Variants in MCF2L2 observed in about 807,000 individuals in gnomAD.
MCF2L2 encodes the protein MCF.2 cell line derived transforming sequence-like 2.
In MCF2L2, 102 loss-of-function variants were observed where a neutral mutation model predicts 150.2. The ratio of observed to expected loss-of-function variants is 0.68; its 90% CI spans 0.58 to 0.80. The LOEUF is 0.80. Ranked by LOEUF, MCF2L2 falls within the 30% of genes least tolerant of loss-of-function variation. The probability of loss-of-function intolerance (pLI) is 0.00; values close to 1 mark genes in which losing one functional copy is unlikely to be tolerated. For synonymous variants in MCF2L2, 465 were observed against 491.3 expected (o/e 0.95, Z 0.71); for missense variants, 1,256 against 1,372.8 (o/e 0.91, Z 1.34).
At position 183,405,947 on chromosome 3, in the gene MCF2L2, T is replaced by C. The variant is rs922394000; in HGVS notation, c.77-16168A>G. ...GCCAGGCTGTCTCGAACTCCTGACC[T>C]TAAGTGATCTGCCTGCCTCAGCCTC... On this transcript the variant is annotated intron_variant, in intron 1 of 29. Transcript: ENST00000328913. Among the ~76,000 whole-genome samples, 17 of 152,300 alleles carry C rather than the reference T, an allele frequency of 1.1e-4. 1 individual carries two copies. The South Asian group carries it at 2.5e-3, about 22-fold the overall frequency.
chr3:183,272,604 TCAAA>T, intron 15 of MCF2L2: 1 of 998,026 alleles, frequency 1.0e-6, no homozygotes, highest in Non-Finnish European at 1.2e-6. Flanking sequence ...AACTACAGTG[TCAAA>T]CATTCTAGGT....
At chr3:183,341,748 C>T (rs1173740953) in intron 3 of MCF2L2, 118 bp from the exon 4 acceptor site, 3 of 682,464 alleles carry the variant, frequency 4.4e-6, no homozygotes, top group Non-Finnish European at 7.8e-6. Flanking sequence ...GTGTAAACAC[C>T]CTGCACAGCA....
chr3:183,295,598 C>G (rs1258284943), intron 12 of MCF2L2, 121 bp from the exon 13 acceptor site: 10 of 908,986 alleles, frequency 1.1e-5, no homozygotes, highest in African/African-American at 1.8e-5. Context: ...TCAGGTGACC[C>G]CCTCTGGGCA....
chr3:183,392,314 C>T (rs368523047), intron 1 of MCF2L2, among the ~76,000 whole-genome samples: 3 of 152,124 alleles, frequency 2.0e-5, no homozygotes, highest in African/African-American at 7.2e-5. Context: ...GATCACCTGA[C>T]GCTAAGAGGG....
chr3:183,217,667 A>G (rs899901682), intron 21 of MCF2L2, among the ~76,000 whole-genome samples: 1 of 152,118 alleles, frequency 6.6e-6, no homozygotes, highest in African/African-American at 2.4e-5. Context: ...TACATGTAAA[A>G]GCTATAACAT....
At chr3:183,293,338 G>A (rs1207425871) in intron 13 of MCF2L2, among the ~76,000 whole-genome samples, 2 of 152,256 alleles carry the variant, frequency 1.3e-5, no homozygotes, top group Non-Finnish European at 2.9e-5. Context: ...CTTAATGACA[G>A]AGGTCCACAA....
intron 2 of MCF2L2, among the ~76,000 whole-genome samples, chr3:183,386,498 T>C (rs916689536): frequency 1.3e-5 from 2 of 152,208 alleles, no homozygotes; most frequent in Non-Finnish European, 2.9e-5. Flanking sequence ...TGGGAACACA[T>C]GCACAGTTCA....
At chr3:183,351,189 A>AGTAT (rs1731101767) in intron 3 of MCF2L2, among the ~76,000 whole-genome samples, 1 of 59,860 alleles carries the variant, frequency 1.7e-5, no homozygotes, top group African/African-American at 4.8e-5. Context: ...TATTTTCTTA[A>AGTAT]GTATATATAT....
At chr3:183,426,418 T>A (rs1716168890) in intron 1 of MCF2L2, among the ~76,000 whole-genome samples, 1 of 152,216 alleles carries the variant, frequency 6.6e-6, no homozygotes, top group Non-Finnish European at 1.5e-5. Flanking sequence ...ATATGTCTAA[T>A]AACTGAAATG....
At chr3:183,343,292 TAA>T (rs914887851) in intron 3 of MCF2L2, among the ~76,000 whole-genome samples, 34 of 151,696 alleles carry the variant, frequency 2.2e-4, no homozygotes, top group African/African-American at 8.0e-4. Context: ...GACTTTTACA[TAA>T]AGTGGTGCTT....
chr3:183,405,584 T>G (rs1259604442), intron 1 of MCF2L2, among the ~76,000 whole-genome samples: 1 of 152,214 alleles, frequency 6.6e-6, no homozygotes, highest in African/African-American at 2.4e-5. Context: ...CATCTTTATC[T>G]TAGCATAATA....
At chr3:183,384,143 G>A (rs1713693903) in intron 2 of MCF2L2, among the ~76,000 whole-genome samples, 1 of 152,194 alleles carries the variant, frequency 6.6e-6, no homozygotes, top group South Asian at 2.1e-4. Flanking sequence ...TGTGTGTTTT[G>A]AAACCGCCTT....
At chr3:183,384,537 C>A (rs1713720861) in intron 2 of MCF2L2, among the ~76,000 whole-genome samples, 1 of 152,002 alleles carries the variant, frequency 6.6e-6, no homozygotes, top group Admixed American at 6.6e-5. Flanking sequence ...GATCTGTGGC[C>A]CCCCGCCCAG....
At chr3:183,278,199 T>C (rs969036738) in intron 14 of MCF2L2, among the ~76,000 whole-genome samples, 4 of 148,930 alleles carry the variant, frequency 2.7e-5, no homozygotes, top group African/African-American at 9.9e-5. Flanking sequence ...AAAAAATATA[T>C]ATATATATAT....
intron 5 of MCF2L2, among the ~76,000 whole-genome samples, chr3:183,333,877 A>C (rs1477329856): frequency 6.6e-6 from 1 of 151,824 alleles, no homozygotes; most frequent in East Asian, 1.9e-4. Context: ...GGCTCTTAAG[A>C]GAAATGGCCG....
At chr3:183,273,129 G>T in intron 15 of MCF2L2, 1 of 787,760 alleles carries the variant, frequency 1.3e-6, no homozygotes, top group Non-Finnish European at 1.9e-6. Flanking sequence ...CTCCAGTGTA[G>T]GGCTATCTTT....
chr3:183,395,192 TG>T (rs1714367165), intron 1 of MCF2L2, among the ~76,000 whole-genome samples: 1 of 152,230 alleles, frequency 6.6e-6, no homozygotes, highest in Non-Finnish European at 1.5e-5. Context: ...AAACTTTATA[TG>T]TAATGGCATA....
At chr3:183,311,583 T>C (rs1418442516) in intron 8 of MCF2L2, 65 bp downstream of exon 8, 1 of 1,580,798 alleles carries the variant, frequency 6.3e-7, no homozygotes, top group Non-Finnish European at 8.6e-7. Flanking sequence ...TGTTCTTGGT[T>C]GCTCCAGAAC....
In MCF2L2 at chr3:183,294,633, A is replaced by ATAT. The variant is rs1553776075; in HGVS notation, c.1675+666_1675+667insATA. Among the ~76,000 whole-genome samples the ATAT allele has an allele frequency of 1.5e-3, 201 of 129,858 alleles. 1 individual carries two copies. The highest frequency in any genetic ancestry group is 5.6e-3 in the African/African-American group (185 of 32,958). 85.2% of individuals were successfully genotyped at this position (129,858 alleles called of 152,430 possible). A position where few individuals can be genotyped will look rare whatever the true frequency, so the allele number is the denominator to read the frequency against. ...TGTGTGTGTATATATATATATATAT[A>ATAT]TTTTTTTTTTTTTGAGACGGAGTCT... On this transcript the variant is annotated intron_variant, in intron 13 of 29. Transcript: ENST00000328913.
Sources: allele counts gnomAD v4.1 joint callset (sites outside exome capture counted in the v4.1 genomes callset), GRCh38; gene constraint gnomAD v4.1.1; transcripts MANE v1.5; gene names NCBI Gene and HGNC (gene_info 2026-07-23, HGNC 2026-07-21).